ELL: variants seen among roughly 807,000 people sequenced by gnomAD.
ELL encodes elongation factor for RNA polymerase II, also known as RNA polymerase II elongation factor ELL.
Under a neutral mutation model 64.0 loss-of-function variants are expected in ELL, and 18 were observed. The observed-to-expected ratio is 0.28, with a 90% CI of 0.19 to 0.42. ELL has a LOEUF of 0.42. Among genes scored for constraint, ELL ranks in the 10% least tolerant of loss-of-function variants. The pLI, the probability that ELL is intolerant of heterozygous loss-of-function variation, is 1.00. For synonymous variants in ELL, 399 were observed against 376.2 expected, an observed-to-expected ratio of 1.06 and a Z score of -0.70; for missense variants, 797 against 870.4, an observed-to-expected ratio of 0.92 and a Z score of 1.06.
At chr19:18,503,713 G>A (rs1431013050) in intron 1 of ELL, among the ~76,000 whole-genome samples, 1 of 152,168 alleles carries the variant, frequency 6.6e-6, no homozygotes, top group African/African-American at 2.4e-5. Flanking sequence ...GCCAGCGGGA[G>A]TGGAGAATGG....
In ELL at chr19:18,443,080, G is replaced by C. The variant is rs940774394; in HGVS notation, c.*1672C>G. On this transcript the variant is annotated 3_prime_UTR_variant, in exon 12 of 12. Transcript: ENST00000262809. ...CCAGGGCAGAGGGGCGGGCAGTCCCGGGCTGGGACCTCCTGAAATCATCCC... is the reference window on the plus strand; with the variant it reads ...CCAGGGCAGAGGGGCGGGCAGTCCCCGGCTGGGACCTCCTGAAATCATCCC... The C allele has an allele frequency of 5.6e-5, 13 of 232,556 alleles. No homozygotes were observed. The highest frequency in any genetic ancestry group is 2.9e-4 in the African/African-American group (13 of 45,386). The allele number at this position is 232,556 out of a possible 1,614,324, so 14.4% of individuals were successfully genotyped here.
At chr19:18,491,249 ATTTTTTTTTTTTTTTTTTTTTTTTTTTT>A (rs565016319) in intron 1 of ELL, among the ~76,000 whole-genome samples, 7 of 72,474 alleles carry the variant, frequency 9.7e-5, no homozygotes, top group South Asian at 1.1e-3. Flanking sequence ...CACCTGGCTA[ATTTTTTTTTTTTTTTTTTTTTTTTTTTT>A]TTTTTTTTTT....
chr19:18,509,593 G>GCGCGCGCGCGCGCGCACACACACA (rs1438642062), intron 1 of ELL, among the ~76,000 whole-genome samples: 3 of 83,238 alleles, frequency 3.6e-5, no homozygotes, highest in South Asian at 4.7e-4. Flanking sequence ...GCGCGCGCGC[G>GCGCGCGCGCGCGCGCACACACACA]CACATACACA....
chr19:18,450,033 C>T (rs1197994390), intron 8 of ELL, among the ~76,000 whole-genome samples: 1 of 152,256 alleles, frequency 6.6e-6, no homozygotes, highest in Non-Finnish European at 1.5e-5. Context: ...TGCCCATCTG[C>T]ACCTGTGCTG....
intron 2 of ELL, chr19:18,471,072 C>A: frequency 2.3e-6 from 1 of 430,168 alleles, no homozygotes; most frequent in Non-Finnish European, 4.6e-6. Context: ...AACATGGTAA[C>A]TCTAAAAGAA....
chr19:18,485,186 C>T (rs936956132), intron 1 of ELL, among the ~76,000 whole-genome samples: 1 of 152,178 alleles, frequency 6.6e-6, no homozygotes, highest in Middle Eastern at 3.2e-3. Context: ...ACCCCATTCA[C>T]CTCCATGGGA....
chr19:18,521,978 G>A lies in ELL; in HGVS notation c.78C>T (p.Phe26=), dbSNP rs1001523842. The change falls in exon 1 of 12, where the codon TTC becomes TTT. Residue 26 remains phenylalanine, a synonymous_variant. Coordinates refer to ENST00000262809, the MANE Select transcript of ELL (RefSeq NM_006532.4). ...GGGCACTGTCGGTGAGCTTCACGTGGAACACCGACACCTTGCTGCCGTCGC... is the reference window on the plus strand; with the variant it reads ...GGGCACTGTCGGTGAGCTTCACGTGAAACACCGACACCTTGCTGCCGTCGC... ...RVSDGSKVSV[F]HVKLTDSALR... is the part of the protein sequence containing the mutation. 4.3e-6 allele frequency: 7 copies of A among 1,611,190 alleles called. No homozygotes were observed. The highest frequency in any genetic ancestry group is 4.0e-5 in the African/African-American group (3 of 74,448).
At chr19:18,455,959 A>G (rs191756439) in intron 6 of ELL, among the ~76,000 whole-genome samples, 1 of 152,026 alleles carries the variant, frequency 6.6e-6, no homozygotes, top group Admixed American at 6.5e-5. Context: ...TTAGCCGGGC[A>G]TGGTGCGCAT....
chr19:18,459,521 A>C (rs1479550903), intron 5 of ELL, among the ~76,000 whole-genome samples: 1 of 138,298 alleles, frequency 7.2e-6, no homozygotes, highest in Admixed American at 7.2e-5. Context: ...CATGGGGAGC[A>C]TTTTTTTTTT....
At position 18,461,746 on chromosome 19, in the gene ELL, A is replaced by G; in HGVS notation, c.576T>C (p.Gly192=). 6.2e-7 allele frequency: 1 copy of G among 1,613,972 alleles called. No individual in the cohort carries two copies. The highest frequency in any genetic ancestry group is 8.5e-7 in the Non-Finnish European group (1 of 1,180,024). The change falls in exon 5 of 12, where the codon GGT becomes GGC. Residue 192 remains glycine, a synonymous_variant. Transcript: ENST00000262809. ...CGCTGCCCCCACTCACGGCACTGGC[A>G]CCACTCTTCCTGATGGCACTCGCCA... ...INLASAIRKS[G]ASAVSGGSGV... is the part of the protein sequence containing the mutation.
intron 6 of ELL, among the ~76,000 whole-genome samples, chr19:18,456,040 T>C (rs1974666363): frequency 6.7e-6 from 1 of 148,700 alleles, no homozygotes; most frequent in African/African-American, 2.5e-5. Context: ...GACGTTGCTG[T>C]GAGCCGAGAT....
chr19:18,464,952 G>C (rs554746630), intron 4 of ELL, among the ~76,000 whole-genome samples: 1 of 152,244 alleles, frequency 6.6e-6, no homozygotes, highest in Non-Finnish European at 1.5e-5. Context: ...GCCTGTTGCC[G>C]GCTGTGGTGG....
At chr19:18,511,438 T>A (rs1443631411) in intron 1 of ELL, among the ~76,000 whole-genome samples, 1 of 152,074 alleles carries the variant, frequency 6.6e-6, no homozygotes, top group Non-Finnish European at 1.5e-5. Context: ...TGGGTATGTA[T>A]CCAAAAGAAC....
chr19:18,467,272 C>T (rs182880042), intron 2 of ELL, among the ~76,000 whole-genome samples: 7 of 152,120 alleles, frequency 4.6e-5, no homozygotes, highest in African/African-American at 1.4e-4. Context: ...CCATCCTGCC[C>T]CTTCCCCAGG....
At chr19:18,507,441 CTA>C (rs1200362341) in intron 1 of ELL, among the ~76,000 whole-genome samples, 1 of 152,248 alleles carries the variant, frequency 6.6e-6, no homozygotes, top group African/African-American at 2.4e-5. Context: ...AACAAAGAAT[CTA>C]ATCTGCACAC....
intron 6 of ELL, among the ~76,000 whole-genome samples, chr19:18,452,993 G>A (rs370688813): frequency 1.3e-5 from 2 of 152,176 alleles, no homozygotes; most frequent in Admixed American, 6.5e-5. Context: ...TCAACAGGCC[G>A]GGCGCCCATG....
At chr19:18,494,225 A>T (rs940333198) in intron 1 of ELL, among the ~76,000 whole-genome samples, 1 of 151,554 alleles carries the variant, frequency 6.6e-6, no homozygotes, top group African/African-American at 2.4e-5. Flanking sequence ...AGACCCTGCC[A>T]CGAAAAAAAT....
At chr19:18,455,630 G>C (rs1974653434) in intron 6 of ELL, among the ~76,000 whole-genome samples, 1 of 152,024 alleles carries the variant, frequency 6.6e-6, no homozygotes. Flanking sequence ...CAGATCACTT[G>C]AGGTCAGGAG....
intron 1 of ELL, among the ~76,000 whole-genome samples, chr19:18,506,022 T>A (rs1367544261): frequency 6.6e-6 from 1 of 152,150 alleles, no homozygotes; most frequent in African/African-American, 2.4e-5. Flanking sequence ...GGGCCCCCCA[T>A]GCTGGCCCTC....
Sources: gnomAD v4.1 joint callset for allele counts (sites outside exome capture counted in the v4.1 genomes callset) on GRCh38, gnomAD v4.1.1 for gene constraint, MANE v1.5 for transcripts, NCBI Gene and HGNC (gene_info 2026-07-23, HGNC 2026-07-21) for gene names.